TMEM132D: variants seen among roughly 807,000 people sequenced by gnomAD.
TMEM132D encodes transmembrane protein 132D.
A neutral mutation model predicts 62.3 loss-of-function variants in TMEM132D; 21 were observed. The ratio of observed to expected loss-of-function variants is 0.34; its 90% CI spans 0.24 to 0.49. TMEM132D has a LOEUF of 0.49. Ranked by LOEUF, TMEM132D falls within the 20% of genes least tolerant of loss-of-function variation. The pLI, the probability that TMEM132D is intolerant of heterozygous loss-of-function variation, is 0.99. For missense variants in TMEM132D, 1,346 were observed against 1,402.8 expected, an observed-to-expected ratio of 0.96 and a Z score of 0.65; for synonymous variants, 621 against 575.6, an observed-to-expected ratio of 1.08 and a Z score of -1.13.
At chr12:129,374,099 G>A (rs990483762) in intron 3 of TMEM132D, among the ~76,000 whole-genome samples, 3 of 152,192 alleles carry the variant, frequency 2.0e-5, no homozygotes, top group African/African-American at 7.2e-5. Flanking sequence ...GTCTTAGTCA[G>A]TTAGAGTAGC....
At chr12:129,429,792 T>A (rs1313401642) in intron 3 of TMEM132D, among the ~76,000 whole-genome samples, 1 of 140,056 alleles carries the variant, frequency 7.1e-6, no homozygotes, top group Non-Finnish European at 1.5e-5. Context: ...TGTCCATGTG[T>A]TCTCATTGTT....
At chr12:129,795,426 T>C (rs941190170) in intron 1 of TMEM132D, among the ~76,000 whole-genome samples, 3 of 152,184 alleles carry the variant, frequency 2.0e-5, no homozygotes, top group Non-Finnish European at 2.9e-5. Context: ...TCTACAGACA[T>C]TGATAAATAT....
At chr12:129,520,059 G>A (rs938787690) in intron 3 of TMEM132D, among the ~76,000 whole-genome samples, 2 of 152,180 alleles carry the variant, frequency 1.3e-5, no homozygotes, top group Admixed American at 6.5e-5. Context: ...GTACAGTACT[G>A]TTTTTGTTAG....
intron 5 of TMEM132D, among the ~76,000 whole-genome samples, chr12:129,197,830 G>A (rs899806680): frequency 6.6e-6 from 1 of 152,168 alleles, no homozygotes; most frequent in Admixed American, 6.5e-5. Context: ...CAAAGGAAAC[G>A]ATTAACAGTG....
intron 4 of TMEM132D, among the ~76,000 whole-genome samples, chr12:129,237,997 G>A (rs559913713): frequency 6.6e-6 from 1 of 152,206 alleles, no homozygotes; most frequent in East Asian, 1.9e-4. Flanking sequence ...CTTTTAGCAG[G>A]GAAAGATGAT....
chr12:129,328,238 A>G (rs1379415244), intron 4 of TMEM132D, among the ~76,000 whole-genome samples: 1 of 152,162 alleles, frequency 6.6e-6, no homozygotes, highest in East Asian at 1.9e-4. Context: ...TTGCTCAATT[A>G]TTTTTGACAC....
At chr12:129,120,786 T>C (rs1876035136) in intron 5 of TMEM132D, among the ~76,000 whole-genome samples, 1 of 152,212 alleles carries the variant, frequency 6.6e-6, no homozygotes, top group Non-Finnish European at 1.5e-5. Context: ...AAACGGTCTG[T>C]ACAGTTTTTT....
At chr12:129,360,833 C>T (rs763873525) in intron 3 of TMEM132D, among the ~76,000 whole-genome samples, 5 of 152,284 alleles carry the variant, frequency 3.3e-5, no homozygotes, top group East Asian at 1.9e-4. Flanking sequence ...TGTGCAATGG[C>T]GGCTTTTTCC....
chr12:129,833,821 A>AGTC (rs1333908661), intron 1 of TMEM132D, among the ~76,000 whole-genome samples: 33 of 152,236 alleles, frequency 2.2e-4, no homozygotes, highest in African/African-American at 7.2e-4. Context: ...AGTCTACAGG[A>AGTC]AACTCCTCTC....
At chr12:129,307,516 A>ATGT (rs1213820716) in intron 4 of TMEM132D, among the ~76,000 whole-genome samples, 2 of 152,064 alleles carry the variant, frequency 1.3e-5, no homozygotes, top group African/African-American at 4.8e-5. Context: ...ACATATCCAA[A>ATGT]ACAAAATGCT....
chr12:129,394,371 C>A (rs1871364860), intron 3 of TMEM132D, among the ~76,000 whole-genome samples: 1 of 152,228 alleles, frequency 6.6e-6, no homozygotes, highest in Non-Finnish European at 1.5e-5. Context: ...AAACACTACC[C>A]TGAAGCCCAA....
chr12:129,421,704 T>C (rs1872329461), intron 3 of TMEM132D, among the ~76,000 whole-genome samples: 1 of 152,240 alleles, frequency 6.6e-6, no homozygotes, highest in Non-Finnish European at 1.5e-5. Context: ...TTTGATACAC[T>C]GCTGGATTTG....
At chr12:129,642,310 G>T (rs1879661084) in intron 2 of TMEM132D, among the ~76,000 whole-genome samples, 1 of 152,256 alleles carries the variant, frequency 6.6e-6, no homozygotes, top group Non-Finnish European at 1.5e-5. Flanking sequence ...CAAGGGCCCT[G>T]GCAGGCTGCA....
intron 3 of TMEM132D, among the ~76,000 whole-genome samples, chr12:129,528,223 C>T (rs1876109682): frequency 6.6e-6 from 1 of 152,142 alleles, no homozygotes; most frequent in Non-Finnish European, 1.5e-5. Flanking sequence ...TTCCAATTAT[C>T]CTTAAGAAAA....
At chr12:129,243,665 C>G (rs1422993261) in intron 4 of TMEM132D, among the ~76,000 whole-genome samples, 2 of 152,136 alleles carry the variant, frequency 1.3e-5, no homozygotes. Context: ...TTGCTGCTTT[C>G]ATTATTATCA....
At chr12:129,407,906 G>C (rs190764870) in intron 3 of TMEM132D, among the ~76,000 whole-genome samples, 138 of 147,022 alleles carry the variant, frequency 9.4e-4, no homozygotes, top group African/African-American at 3.5e-3. Flanking sequence ...AAAAAAAAAA[G>C]CTAATTTTAA....
At chr12:129,865,713 T>A (rs1874038626) in intron 1 of TMEM132D, among the ~76,000 whole-genome samples, 1 of 152,232 alleles carries the variant, frequency 6.6e-6, no homozygotes, top group Non-Finnish European at 1.5e-5. Context: ...TGATGACTGC[T>A]TGGGCATCCT....
At chr12:129,643,437 G>A (rs1304515450) in intron 2 of TMEM132D, among the ~76,000 whole-genome samples, 8 of 152,152 alleles carry the variant, frequency 5.3e-5, no homozygotes, top group East Asian at 3.9e-4. Flanking sequence ...CTCTGGCTGC[G>A]TTCTCTGCAC....
chr12:129,602,710 C>T (rs368556627), intron 2 of TMEM132D, among the ~76,000 whole-genome samples: 1 of 152,272 alleles, frequency 6.6e-6, no homozygotes, highest in South Asian at 2.1e-4. Flanking sequence ...CCCACACATA[C>T]ACAGCCCTCC....
Sources: gnomAD v4.1 joint callset for allele counts (sites outside exome capture counted in the v4.1 genomes callset) on GRCh38, gnomAD v4.1.1 for gene constraint, MANE v1.5 for transcripts, NCBI Gene and HGNC (gene_info 2026-07-23, HGNC 2026-07-21) for gene names.